MACROD2: variants seen among roughly 807,000 people sequenced by gnomAD.
The protein encoded by MACROD2 is ADP-ribose glycohydrolase MACROD2.
MACROD2 carries 36 observed loss-of-function variants against 70.4 expected under a neutral mutation model. That is an observed-to-expected ratio of 0.51 (90% CI 0.39 to 0.68). The LOEUF is 0.68. Ranked by LOEUF, MACROD2 falls within the 30% of genes least tolerant of loss-of-function variation. The pLI is 0.00. For synonymous variants in MACROD2, 172 were observed against 178.8 expected, an observed-to-expected ratio of 0.96 and a Z score of 0.30; for missense variants, 496 against 538.4, an observed-to-expected ratio of 0.92 and a Z score of 0.78.
At chr20:15,714,236 G>T (rs1158483837) in intron 8 of MACROD2, among the ~76,000 whole-genome samples, 3 of 152,176 alleles carry the variant, frequency 2.0e-5, no homozygotes, top group Admixed American at 1.3e-4. Flanking sequence ...GATTTAAGTA[G>T]ATCTGTAAGG....
At chr20:14,418,400 T>G (rs577526454) in intron 3 of MACROD2, among the ~76,000 whole-genome samples, 1 of 152,300 alleles carries the variant, frequency 6.6e-6, no homozygotes, top group South Asian at 2.1e-4. Flanking sequence ...CGGGCCAATT[T>G]TAGCATGTGT....
chr20:15,261,707 T>C (rs926853421), intron 6 of MACROD2, among the ~76,000 whole-genome samples: 1 of 151,956 alleles, frequency 6.6e-6, no homozygotes, highest in Non-Finnish European at 1.5e-5. Context: ...AGCATGTAAA[T>C]TTGAACAATA....
intron 2 of MACROD2, among the ~76,000 whole-genome samples, chr20:14,037,264 G>A (rs746829156): frequency 3.3e-5 from 5 of 152,062 alleles, no homozygotes; most frequent in African/African-American, 7.2e-5. Context: ...ACTAGTTTTG[G>A]CATCATTAAT....
intron 12 of MACROD2, among the ~76,000 whole-genome samples, chr20:15,963,371 G>C (rs2066092328): frequency 1.3e-5 from 2 of 152,152 alleles, no homozygotes; most frequent in Non-Finnish European, 2.9e-5. Flanking sequence ...CTTACTCGGT[G>C]CGTTTTTTAG....
intron 6 of MACROD2, among the ~76,000 whole-genome samples, chr20:15,395,465 C>T (rs1456083172): frequency 2.0e-5 from 3 of 152,090 alleles, no homozygotes; most frequent in East Asian, 3.8e-4. Context: ...CAAGGGTTGG[C>T]AGGCTTTATC....
At chr20:15,260,414 C>G (rs999722302) in intron 6 of MACROD2, among the ~76,000 whole-genome samples, 1 of 151,492 alleles carries the variant, frequency 6.6e-6, no homozygotes, top group Non-Finnish European at 1.5e-5. Context: ...TGACTTATTT[C>G]ACTTAATAGA....
At chr20:14,033,668 T>C (rs1216908897) in intron 2 of MACROD2, among the ~76,000 whole-genome samples, 1 of 152,278 alleles carries the variant, frequency 6.6e-6, no homozygotes, top group Non-Finnish European at 1.5e-5. Flanking sequence ...GAAATACAAG[T>C]CTTTCTTTCA....
intron 3 of MACROD2, among the ~76,000 whole-genome samples, chr20:14,289,900 C>T (rs1212699551): frequency 1.3e-5 from 2 of 152,110 alleles, no homozygotes; most frequent in Non-Finnish European, 2.9e-5. Context: ...TTGACCTAAA[C>T]AAATAATAAT....
chr20:14,787,415 C>T (rs1270257047), intron 5 of MACROD2, among the ~76,000 whole-genome samples: 2 of 152,006 alleles, frequency 1.3e-5, no homozygotes, highest in Non-Finnish European at 2.9e-5. Context: ...GGGAAAAGTT[C>T]AAAGTTGACA....
At position 15,587,730 on chromosome 20, in the gene MACROD2, C is replaced by T. The variant is rs542913293; in HGVS notation, c.645+87883C>T. 2.0e-5 allele frequency among the ~76,000 whole-genome samples: 3 copies of T among 152,280 alleles called. No homozygotes were observed. In the South Asian group the frequency reaches 6.2e-4, roughly 32 times the overall value. On this transcript the variant is annotated intron_variant, in intron 8 of 17. Coordinates refer to ENST00000684519, the MANE Select transcript of MACROD2 (RefSeq NM_001351661.2). ...CATTTTAAAGCTCCAAAATGATATC[C>T]TTTGACTCCAGGTCTCACATCCAGG... is the stretch of plus-strand genomic sequence containing the variant.
chr20:14,013,691 T>TG (rs2052946849), intron 2 of MACROD2, among the ~76,000 whole-genome samples: 1 of 142,896 alleles, frequency 7.0e-6, no homozygotes, highest in African/African-American at 2.6e-5. Flanking sequence ...TTTTTTTTTT[T>TG]TTTTTTGAGA....
chr20:14,459,080 G>C (rs1302536177), intron 3 of MACROD2, among the ~76,000 whole-genome samples: 1 of 151,956 alleles, frequency 6.6e-6, no homozygotes, highest in Non-Finnish European at 1.5e-5. Flanking sequence ...ATTACCAAAA[G>C]AAGGTGTGAG....
chr20:15,958,438 A>G (rs890915255), intron 12 of MACROD2, among the ~76,000 whole-genome samples: 8 of 152,200 alleles, frequency 5.3e-5, no homozygotes, highest in African/African-American at 1.9e-4. Flanking sequence ...TATCCGTGCT[A>G]TACAAACACT....
At chr20:14,988,355 CAA>C (rs11087116) in intron 5 of MACROD2, among the ~76,000 whole-genome samples, 3 of 112,216 alleles carry the variant, frequency 2.7e-5, no homozygotes, top group Non-Finnish European at 1.7e-5. Flanking sequence ...GAGACTCTGT[CAA>C]AAAAAAAAAA....
At chr20:14,515,602 G>T (rs532543684) in intron 4 of MACROD2, among the ~76,000 whole-genome samples, 1 of 151,824 alleles carries the variant, frequency 6.6e-6, no homozygotes, top group Non-Finnish European at 1.5e-5. Context: ...AATAAGCCAG[G>T]CACAGAAAGA....
chr20:14,686,100 T>C (rs1476227326), intron 5 of MACROD2, among the ~76,000 whole-genome samples: 3 of 152,206 alleles, frequency 2.0e-5, no homozygotes, highest in Non-Finnish European at 4.4e-5. Flanking sequence ...AGTACTTTCA[T>C]GTACTGCATA....
chr20:15,391,386 C>G (rs112459194), intron 6 of MACROD2, among the ~76,000 whole-genome samples: 22 of 152,312 alleles, frequency 1.4e-4, no homozygotes, highest in African/African-American at 4.6e-4. Context: ...TTTGTTATGT[C>G]ACAGCCAAGT....
chr20:15,242,612 A>C (rs1262446174), intron 6 of MACROD2, among the ~76,000 whole-genome samples: 1 of 152,058 alleles, frequency 6.6e-6, no homozygotes, highest in Non-Finnish European at 1.5e-5. Flanking sequence ...AATGTTTAGG[A>C]GTAGATTTAA....
intron 5 of MACROD2, among the ~76,000 whole-genome samples, chr20:14,874,656 T>G (rs1160976538): frequency 6.6e-6 from 1 of 151,092 alleles, no homozygotes; most frequent in African/African-American, 2.4e-5. Flanking sequence ...TCCAATAACA[T>G]GAACAAAAAA....
Sources: allele counts gnomAD v4.1 joint callset (sites outside exome capture counted in the v4.1 genomes callset), GRCh38; gene constraint gnomAD v4.1.1; transcripts MANE v1.5; gene names NCBI Gene and HGNC (gene_info 2026-07-23, HGNC 2026-07-21).